The following CYFIP1 variants were observed in gnomAD, a reference collection of about 807,000 sequenced individuals.
CYFIP1 encodes cytoplasmic FMR1 interacting protein 1.
In CYFIP1, 58 loss-of-function variants were observed where a neutral mutation model predicts 163.5. That is an observed-to-expected ratio of 0.35 (90% CI 0.29 to 0.44). CYFIP1 has a LOEUF of 0.44. Ranked by LOEUF, CYFIP1 falls within the 20% of genes least tolerant of loss-of-function variation. The pLI is 1.00. For synonymous variants in CYFIP1, 663 were observed against 660.7 expected (o/e 1.00, Z -0.05); for missense variants, 1,338 against 1,653.8 (o/e 0.81, Z 3.31).
chr15:22,920,093 C>A (rs1443903795), intron 13 of CYFIP1, among the ~76,000 whole-genome samples: 14 of 143,524 alleles, frequency 9.8e-5, no homozygotes, highest in Admixed American at 9.1e-4. Flanking sequence ...TAAAAAAAAA[C>A]AAAAAACAAA....
intron 22 of CYFIP1, among the ~76,000 whole-genome samples, chr15:22,899,504 T>C (rs1439088660): frequency 6.6e-6 from 1 of 151,812 alleles, no homozygotes; most frequent in Non-Finnish European, 1.5e-5. Flanking sequence ...TGATTGTGAG[T>C]GAGTCTCATG....
chr15:22,893,968 G>C (rs1046088737), intron 22 of CYFIP1, among the ~76,000 whole-genome samples: 1 of 152,162 alleles, frequency 6.6e-6, no homozygotes, highest in Non-Finnish European at 1.5e-5. Context: ...GTTCCAGGAA[G>C]TACATTCCAT....
intron 26 of CYFIP1, among the ~76,000 whole-genome samples, chr15:22,877,437 A>T (rs530294224): frequency 6.6e-6 from 1 of 152,334 alleles, no homozygotes; most frequent in South Asian, 2.1e-4. Flanking sequence ...GGACTAAGAT[A>T]GCAGATGAGA....
intron 23 of CYFIP1, among the ~76,000 whole-genome samples, chr15:22,889,053 C>CAAAAAAAAAAAAAAAAAAAAAAA (rs1455784487): frequency 6.7e-6 from 1 of 149,064 alleles, no homozygotes; most frequent in Non-Finnish European, 1.5e-5. Context: ...AAAAAAAACA[C>CAAAAAAAAAAAAAAAAAAAAAAA]ACAAAAAAAA....
rs773501128 is a variant in CYFIP1, at chr15:22,870,052, G to T, written c.3738C>A (p.Ile1246=). The change falls in exon 31 of 31, where the codon ATC becomes ATA. Residue 1246 remains isoleucine (I), a synonymous_variant. Coordinates refer to ENST00000617928, the MANE Select transcript of CYFIP1 (RefSeq NM_014608.6). The part of the protein sequence containing the change: ...VEHVRCFQPP[I]HQSLASS ...CTCAGCTGCTGGCGAGGGACTGGTGGATGGGCGGCTGGAAGCAGCGCACAT... is the reference window on the plus strand; with the variant it reads ...CTCAGCTGCTGGCGAGGGACTGGTGTATGGGCGGCTGGAAGCAGCGCACAT... The T allele has an allele frequency of 1.2e-6, 2 of 1,608,002 alleles. No homozygotes were observed. The highest frequency in any genetic ancestry group is 2.2e-5 in the South Asian group (2 of 89,550).
chr15:22,933,261 T>G (rs1329656765), intron 10 of CYFIP1, among the ~76,000 whole-genome samples: 1 of 152,264 alleles, frequency 6.6e-6, no homozygotes, highest in South Asian at 2.1e-4. Context: ...CACTAACTAT[T>G]GAACATTTCA....
intron 1 of CYFIP1, among the ~76,000 whole-genome samples, chr15:22,962,269 G>A (rs113154035): frequency 0.01 from 1,548 of 151,550 alleles, 18 homozygotes; most frequent in Non-Finnish European, 0.014. Flanking sequence ...AAAGACGTGC[G>A]AACTCACTGC....
At chr15:22,893,924 T>C (rs1469940054) in intron 22 of CYFIP1, among the ~76,000 whole-genome samples, 4 of 152,204 alleles carry the variant, frequency 2.6e-5, no homozygotes, top group Admixed American at 2.6e-4. Flanking sequence ...TGTGTGCATG[T>C]CTGTGTGTCC....
At chr15:22,934,019 T>TA in intron 9 of CYFIP1, 126 bp from the exon 10 acceptor site, 4 of 612,114 alleles carry the variant, frequency 6.5e-6, no homozygotes, top group Non-Finnish European at 5.7e-6. Flanking sequence ...AATGATTCAT[T>TA]ACAAAAAAAA....
At chr15:22,975,266 T>C (rs745823773) in intron 1 of CYFIP1, among the ~76,000 whole-genome samples, 2 of 151,976 alleles carry the variant, frequency 1.3e-5, no homozygotes, top group Non-Finnish European at 2.9e-5. Context: ...TCAAAAGTTA[T>C]ACTTGTCCAG....
At chr15:22,899,026 C>T (rs952604191) in intron 22 of CYFIP1, among the ~76,000 whole-genome samples, 1 of 151,558 alleles carries the variant, frequency 6.6e-6, no homozygotes, top group Non-Finnish European at 1.5e-5. Context: ...TTTGTAGAGA[C>T]GAGGTCTCCT....
At chr15:22,920,899 T>A (rs1347159478) in intron 13 of CYFIP1, among the ~76,000 whole-genome samples, 1 of 152,114 alleles carries the variant, frequency 6.6e-6, no homozygotes, top group African/African-American at 2.4e-5. Context: ...TAAGTGAACA[T>A]AACAATCCTA....
chr15:22,930,772 A>G (rs1357236640), intron 11 of CYFIP1, among the ~76,000 whole-genome samples: 2 of 152,228 alleles, frequency 1.3e-5, no homozygotes, highest in African/African-American at 2.4e-5. Context: ...ACAAAAGCCA[A>G]AAAGCTCTTT....
At chr15:22,947,128 C>A (rs199948522) in intron 2 of CYFIP1, 36 bp from the exon 3 acceptor site, 21 of 1,613,956 alleles carry the variant, frequency 1.3e-5, no homozygotes, top group Non-Finnish European at 1.6e-5. Context: ...CATGTGGGGT[C>A]GGAGCACAGG....
intron 1 of CYFIP1, among the ~76,000 whole-genome samples, chr15:22,964,274 CCACACACACACACACACACA>C (rs60879784): frequency 2.1e-5 from 2 of 97,152 alleles, no homozygotes; most frequent in Non-Finnish European, 4.0e-5. Flanking sequence ...CTCCTCCTCA[CCACACACACACACACACACA>C]CACACACACA....
At position 22,867,377 on chromosome 15, in the gene CYFIP1, C is replaced by T. The variant is rs565322588; in HGVS notation, c.*2651G>A. On this transcript the variant is annotated 3_prime_UTR_variant, in exon 31 of 31. Coordinates refer to ENST00000617928, the MANE Select transcript of CYFIP1 (RefSeq NM_014608.6). The stretch of plus-strand genomic sequence containing the variant: ...ACTAAGTTACTGAATGAAGGAACCT[C>T]TTTCTTACAAAACAAAAAAAAGGGC... The T allele has an allele frequency of 1.5e-5, 6 of 391,260 alleles. No homozygotes were observed. Among genetic ancestry groups the T allele is most frequent in the African/African-American group, 1.2e-4 (6 of 48,570 alleles). The allele number at this position is 391,260 out of a possible 1,614,324, so 24.2% of individuals were successfully genotyped here.
rs1213854701 is a variant in CYFIP1 at position 22,946,699 on chromosome 15, G to A, written c.207+304C>T. 8 of 530,368 alleles carry A rather than the reference G, an allele frequency of 1.5e-5. No individual in the cohort carries two copies. In the East Asian group the frequency reaches 2.3e-4, roughly 16 times the overall value. The allele number at this position is 530,368 out of a possible 1,614,324, so 32.9% of individuals were successfully genotyped here. ...TCATTTATAAATCTAAATCTCATAT[G>A]GGCACATACCTGGTGTGTGTGGGTG... On this transcript the variant is annotated intron_variant, in intron 3 of 30. Coordinates refer to ENST00000617928, the MANE Select transcript of CYFIP1 (RefSeq NM_014608.6).
chr15:22,933,928 G>A, intron 9 of CYFIP1, 35 bp from the exon 10 acceptor site: 2 of 1,471,358 alleles, frequency 1.4e-6, no homozygotes, highest in East Asian at 2.3e-5. Flanking sequence ...GAGTCATTAT[G>A]TATATTTAGT....
At chr15:22,939,090 T>C in intron 8 of CYFIP1, 102 bp downstream of exon 8, 1 of 1,461,396 alleles carries the variant, frequency 6.8e-7, no homozygotes, top group Non-Finnish European at 9.4e-7. Context: ...AGCATGCAAA[T>C]AAGACACAGC....
Sources: allele counts gnomAD v4.1 joint callset (sites outside exome capture counted in the v4.1 genomes callset), GRCh38; gene constraint gnomAD v4.1.1; transcripts MANE v1.5; gene names NCBI Gene and HGNC (gene_info 2026-07-23, HGNC 2026-07-21).